CDKN2B-AS1: variants seen among roughly 807,000 people sequenced by gnomAD.
CDKN2B-AS1 encodes the protein CDKN2B antisense RNA 1 (non-protein coding).
At chr9:22,040,818 T>C (rs1302361600) in intron 1 of CDKN2B-AS1, among the ~76,000 whole-genome samples, 3 of 152,090 alleles carry the variant, frequency 2.0e-5, no homozygotes, top group African/African-American at 7.2e-5. Context: ...TGATTTCATC[T>C]TACTGACATT....
intron 4 of CDKN2B-AS1, among the ~76,000 whole-genome samples, chr9:22,080,548 G>A (rs1427631496): frequency 6.6e-6 from 1 of 152,190 alleles, no homozygotes; most frequent in Non-Finnish European, 1.5e-5. Context: ...AAGCCCATCA[G>A]GGAGAAGAAA....
chr9:22,016,064 T>TA (rs1282989688), intron 1 of CDKN2B-AS1, among the ~76,000 whole-genome samples: 2 of 152,206 alleles, frequency 1.3e-5, no homozygotes, highest in Non-Finnish European at 2.9e-5. Flanking sequence ...ACTCTGATGA[T>TA]AGTTTCTTTT....
intron 4 of CDKN2B-AS1, among the ~76,000 whole-genome samples, chr9:22,104,094 G>A (rs968153105): frequency 6.6e-6 from 1 of 152,140 alleles, no homozygotes; most frequent in African/African-American, 2.4e-5. Context: ...GATATTACTA[G>A]GGAAATATAC....
At chr9:22,065,976 T>A (rs181925861) in intron 4 of CDKN2B-AS1, among the ~76,000 whole-genome samples, 4 of 152,326 alleles carry the variant, frequency 2.6e-5, no homozygotes, top group Non-Finnish European at 1.5e-5. Context: ...GAGCACTCCC[T>A]GGACACGGAA....
At chr9:22,063,400 G>A (rs1361050509) in intron 4 of CDKN2B-AS1, among the ~76,000 whole-genome samples, 2 of 152,110 alleles carry the variant, frequency 1.3e-5, no homozygotes, top group South Asian at 4.1e-4. Flanking sequence ...AGCAGGTGTT[G>A]GTGGGATTCC....
intron 1 of CDKN2B-AS1, among the ~76,000 whole-genome samples, chr9:22,018,849 C>G (rs1297107209): frequency 6.6e-6 from 1 of 152,132 alleles, no homozygotes; most frequent in Non-Finnish European, 1.5e-5. Context: ...AAATATCATA[C>G]ACTATATTCT....
At chr9:22,030,582 C>A (rs1822427019) in intron 1 of CDKN2B-AS1, 1 of 152,010 alleles carries the variant, frequency 6.6e-6, no homozygotes, top group Non-Finnish European at 1.5e-5. Context: ...GAAGTTCAGC[C>A]CTTTAAAACT....
intron 1 of CDKN2B-AS1, among the ~76,000 whole-genome samples, chr9:22,036,626 G>A (rs183772056): frequency 6.6e-6 from 1 of 152,024 alleles, no homozygotes; most frequent in East Asian, 1.9e-4. Context: ...TAGCTTATTA[G>A]TTTACTTAAA....
chr9:22,029,517 A>G (rs767665185), intron 1 of CDKN2B-AS1: 6 of 779,366 alleles, frequency 7.7e-6, no homozygotes, highest in Non-Finnish European at 1.4e-5. Flanking sequence ...CTCTCATCTG[A>G]TCTCCGTCCT....
At chr9:22,119,084 A>G (rs1033053204) in intron 4 of CDKN2B-AS1, 2 of 152,060 alleles carry the variant, frequency 1.3e-5, no homozygotes, top group African/African-American at 4.8e-5. Flanking sequence ...ACATTAGGAA[A>G]GTTATGTAGA....
chr9:22,071,284 G>C, intron 4 of CDKN2B-AS1, among the ~76,000 whole-genome samples: 1 of 77,496 alleles, frequency 1.3e-5, no homozygotes, highest in South Asian at 5.2e-4. Flanking sequence ...GAAATATCTA[G>C]CTTTTTTTTT....
chr9:22,127,833 C>T (rs1027662563), exon 5 of CDKN2B-AS1, among the ~76,000 whole-genome samples: 1 of 152,168 alleles, frequency 6.6e-6, no homozygotes, highest in Non-Finnish European at 1.5e-5. Flanking sequence ...AGCAGAAGCC[C>T]TTTGTCTACT....
chr9:22,029,058 T>TAA (rs34059530), intron 1 of CDKN2B-AS1, among the ~76,000 whole-genome samples: 116 of 149,688 alleles, frequency 7.7e-4, no homozygotes, highest in African/African-American at 2.3e-3. Flanking sequence ...ATACAAAAAT[T>TAA]AAAAAAAAAA....
At chr9:22,020,298 A>C (rs1587411187) in intron 1 of CDKN2B-AS1, among the ~76,000 whole-genome samples, 1 of 152,092 alleles carries the variant, frequency 6.6e-6, no homozygotes, top group East Asian at 1.9e-4. Flanking sequence ...ATGTTGATTC[A>C]ATTTTTTTTG....
intron 4 of CDKN2B-AS1, among the ~76,000 whole-genome samples, chr9:22,058,003 G>C (rs1392824362): frequency 7.0e-6 from 1 of 142,166 alleles, no homozygotes; most frequent in Non-Finnish European, 1.5e-5. Context: ...TGTAATCCCA[G>C]CTACTGGGGA....
intron 4 of CDKN2B-AS1, chr9:22,118,520 A>G (rs72654267): frequency 1.3e-5 from 2 of 152,180 alleles, no homozygotes; most frequent in Non-Finnish European, 2.9e-5. Flanking sequence ...GGGAAGGGTA[A>G]CTTTATGGAG....
intron 1 of CDKN2B-AS1, among the ~76,000 whole-genome samples, chr9:22,009,602 A>T (rs1434230954): frequency 6.6e-6 from 1 of 152,156 alleles, no homozygotes; most frequent in Non-Finnish European, 1.5e-5. Context: ...TAGGCGGAGC[A>T]GAGGATTTCT....
At chr9:22,009,218 G>A (rs1821366306) in intron 1 of CDKN2B-AS1, 1 of 590,808 alleles carries the variant, frequency 1.7e-6, no homozygotes, top group East Asian at 2.9e-5. Flanking sequence ...AGCGCCTAGC[G>A]CGGACGCAGC....
chr9:22,119,412 T>A (rs568473855), intron 4 of CDKN2B-AS1: 1 of 152,176 alleles, frequency 6.6e-6, no homozygotes, highest in Non-Finnish European at 1.5e-5. Flanking sequence ...CAATGTATAT[T>A]ATGCTGACTT....
Sources: allele counts gnomAD v4.1 joint callset (sites outside exome capture counted in the v4.1 genomes callset), GRCh38; gene constraint gnomAD v4.1.1; transcripts MANE v1.5; gene names NCBI Gene and HGNC (gene_info 2026-07-23, HGNC 2026-07-21).